Variants in FAT3 observed in about 807,000 individuals in gnomAD.
The protein encoded by FAT3 is protocadherin Fat 3.
A neutral mutation model predicts 310.2 loss-of-function variants in FAT3; 95 were observed. The ratio of observed to expected loss-of-function variants is 0.31; its 90% CI spans 0.26 to 0.36. The LOEUF (loss-of-function observed/expected upper bound fraction) is 0.36. Ranked by LOEUF, FAT3 falls within the 10% of genes least tolerant of loss-of-function variation. FAT3 has a pLI of 1.00. For synonymous variants in FAT3, 2,314 were observed against 2,192.9 expected, an observed-to-expected ratio of 1.06 and a Z score of -1.54; for missense variants, 5,408 against 5,715.6, an observed-to-expected ratio of 0.95 and a Z score of 1.74.
At chr11:92,854,292 G>A (rs926878194) in intron 19 of FAT3, among the ~76,000 whole-genome samples, 3 of 152,334 alleles carry the variant, frequency 2.0e-5, no homozygotes, top group South Asian at 4.1e-4. Flanking sequence ...GAGCTTGCAG[G>A]GGAAAGGGGT....
chr11:92,239,777 AAAACGGC>A (rs1431391173), intron 1 of FAT3, among the ~76,000 whole-genome samples: 2 of 152,134 alleles, frequency 1.3e-5, no homozygotes, highest in African/African-American at 4.8e-5. Context: ...TAAAATGTAG[AAAACGGC>A]ATTAACTTGA....
At chr11:92,479,774 G>T (rs1591346974) in intron 2 of FAT3, among the ~76,000 whole-genome samples, 1 of 152,262 alleles carries the variant, frequency 6.6e-6, no homozygotes, top group East Asian at 1.9e-4. Context: ...GCCTTTCATA[G>T]TAGTTATTTG....
chr11:92,567,536 G>A (rs11020007), intron 3 of FAT3, among the ~76,000 whole-genome samples: 1 of 149,176 alleles, frequency 6.7e-6, no homozygotes, highest in African/African-American at 2.5e-5. Context: ...CCATTACTGG[G>A]TATATACCCA....
intron 3 of FAT3, among the ~76,000 whole-genome samples, chr11:92,670,540 G>A (rs983925404): frequency 6.6e-6 from 1 of 152,166 alleles, no homozygotes; most frequent in African/African-American, 2.4e-5. Flanking sequence ...GCCTTGTTTG[G>A]GGGGATGAGT....
At chr11:92,529,797 C>G (rs542389486) in intron 3 of FAT3, among the ~76,000 whole-genome samples, 1 of 152,296 alleles carries the variant, frequency 6.6e-6, no homozygotes, top group East Asian at 1.9e-4. Flanking sequence ...TGCAGTTGCT[C>G]TGTCTCCCTT....
chr11:92,626,598 C>T (rs1267455921), intron 3 of FAT3, among the ~76,000 whole-genome samples: 1 of 151,832 alleles, frequency 6.6e-6, no homozygotes, highest in Non-Finnish European at 1.5e-5. Context: ...TATTGTGTTC[C>T]AGAAGACACT....
intron 19 of FAT3, among the ~76,000 whole-genome samples, chr11:92,846,473 T>C (rs1043718289): frequency 6.6e-6 from 1 of 152,192 alleles, no homozygotes; most frequent in Admixed American, 6.5e-5. Context: ...GCAGTATCTG[T>C]ACACAGAGAC....
In FAT3 at chr11:92,836,708, G is replaced by C. The variant is rs889573353; in HGVS notation, c.10224+5G>C. On this transcript the variant is annotated splice_donor_5th_base_variant and intron_variant, in intron 16 of 27. Transcript: ENST00000525166. The stretch of plus-strand genomic sequence containing the variant: ...AAGAAATTGGACCGGGAACGGGTAA[G>C]CTAGTTTAGGACAGTTTCCTTCCCA... 1.2e-6 allele frequency: 2 copies of C among 1,612,840 alleles called. No individual in the cohort carries two copies. Among genetic ancestry groups the C allele is most frequent in the Non-Finnish European group, 1.7e-6 (2 of 1,179,348 alleles).
At chr11:92,806,253 A>G in intron 11 of FAT3, 109 bp from the exon 12 acceptor site, 3 of 1,030,288 alleles carry the variant, frequency 2.9e-6, no homozygotes, top group Non-Finnish European at 4.2e-6. Context: ...AAAATAACAA[A>G]AGCTAAATTA....
At chr11:92,450,109 G>A (rs1951317659) in intron 2 of FAT3, among the ~76,000 whole-genome samples, 1 of 152,184 alleles carries the variant, frequency 6.6e-6, no homozygotes. Context: ...AATCGGCTTT[G>A]ACAACTGTGT....
chr11:92,781,489 A>G (rs1946751969), intron 7 of FAT3, among the ~76,000 whole-genome samples: 2 of 152,208 alleles, frequency 1.3e-5, no homozygotes, highest in South Asian at 2.1e-4. Flanking sequence ...TTAGGTATAC[A>G]TAGGTAAAGA....
chr11:92,439,228 T>C (rs1951015489), intron 2 of FAT3, among the ~76,000 whole-genome samples: 1 of 151,886 alleles, frequency 6.6e-6, no homozygotes, highest in South Asian at 2.1e-4. Context: ...AACCCACAAT[T>C]TTTAATGCTC....
Position 92,889,258 on chromosome 11 carries a change from T to G in FAT3, c.13111+10T>G, listed in dbSNP as rs948159496. On this transcript the variant is annotated intron_variant, in intron 26 of 27. Transcript: ENST00000525166. ...ACTATAGAGAATGAAGGTATTTACT[T>G]TTTTTCTTCCATAGCATTTCTTGAA... 3 of 701,206 alleles carry G rather than the reference T, an allele frequency of 4.3e-6. No individual in the cohort carries two copies. Among genetic ancestry groups the G allele is most frequent in the African/African-American group, 1.8e-5 (1 of 56,366 alleles). 43.4% of individuals were successfully genotyped at this position (701,206 alleles called of 1,614,324 possible).
intron 2 of FAT3, among the ~76,000 whole-genome samples, chr11:92,451,125 C>G (rs1438600217): frequency 3.3e-5 from 5 of 152,146 alleles, no homozygotes; most frequent in African/African-American, 1.2e-4. Flanking sequence ...TTTTCAAGCA[C>G]TTGACTGAAA....
At chr11:92,377,385 T>C (rs369570677) in intron 2 of FAT3, among the ~76,000 whole-genome samples, 1 of 152,170 alleles carries the variant, frequency 6.6e-6, no homozygotes. Flanking sequence ...AAATAAACAC[T>C]TGTTCAGTCA....
At chr11:92,792,658 C>G in intron 8 of FAT3, 109 bp from the exon 9 acceptor site, 1 of 1,025,384 alleles carries the variant, frequency 9.8e-7, no homozygotes, top group East Asian at 2.4e-5. Context: ...GGAACTGGGT[C>G]AAGCACTTTG....
At chr11:92,467,415 A>C (rs1951792146) in intron 2 of FAT3, among the ~76,000 whole-genome samples, 1 of 152,170 alleles carries the variant, frequency 6.6e-6, no homozygotes, top group South Asian at 2.1e-4. Context: ...TGAACACACA[A>C]ACACACACTG....
Position 92,800,237 on chromosome 11 carries a change from C to G in FAT3, c.7224C>G (p.Pro2408=), listed in dbSNP as rs766500811. Residue 2408 remains proline (P), a synonymous_variant, in exon 10 of 28, where the codon CCC becomes CCG. Transcript: ENST00000525166. ...IYESYVSELA[P]RGHFVTCVQA... ...AGTCATATGTGAGTGAATTAGCCCCCCGGGGCCATTTTGTAACCTGTGTAC... is the reference window on the plus strand; with the variant it reads ...AGTCATATGTGAGTGAATTAGCCCCGCGGGGCCATTTTGTAACCTGTGTAC... 12 of 1,613,838 alleles carry G rather than the reference C, an allele frequency of 7.4e-6. No individual in the cohort carries two copies. Among genetic ancestry groups the G allele is most frequent in the Non-Finnish European group, 1.0e-5 (12 of 1,179,876 alleles).
intron 4 of FAT3, among the ~76,000 whole-genome samples, chr11:92,722,369 GA>G (rs1357012107): frequency 1.3e-5 from 2 of 152,200 alleles, no homozygotes; most frequent in Non-Finnish European, 2.9e-5. Context: ...AGGTCATGCT[GA>G]TACAAGGGGT....
Sources: gnomAD v4.1 joint callset for allele counts (sites outside exome capture counted in the v4.1 genomes callset) on GRCh38, gnomAD v4.1.1 for gene constraint, MANE v1.5 for transcripts, NCBI Gene and HGNC (gene_info 2026-07-23, HGNC 2026-07-21) for gene names.